Variants in ELF2 observed in about 807,000 individuals in gnomAD.
ELF2 encodes the protein ETS-related transcription factor Elf-2.
Under a neutral mutation model 54.8 loss-of-function variants are expected in ELF2, and 11 were observed. The observed-to-expected ratio is 0.20, with a 90% CI of 0.13 to 0.33. The LOEUF is 0.33. ELF2 is among the 10% of genes least tolerant of loss of function. The probability of loss-of-function intolerance (pLI) is 1.00; values close to 1 mark genes in which losing one functional copy is unlikely to be tolerated. For synonymous variants in ELF2, 203 were observed against 245.1 expected (o/e 0.83, Z 1.61); for missense variants, 513 against 703.0 (o/e 0.73, Z 3.06).
At chr4:139,096,996 T>A (rs1733352841) in intron 4 of ELF2, among the ~76,000 whole-genome samples, 1 of 152,154 alleles carries the variant, frequency 6.6e-6, no homozygotes, top group South Asian at 2.1e-4. Flanking sequence ...ATTTATTGAC[T>A]TTCATCTTTA....
intron 4 of ELF2, among the ~76,000 whole-genome samples, chr4:139,119,803 G>A (rs1736129406): frequency 6.6e-6 from 1 of 151,894 alleles, no homozygotes; most frequent in South Asian, 2.1e-4. Flanking sequence ...TTTTGAGATG[G>A]AGTTTCTGTT....
At chr4:139,175,000 T>C (rs1336091286) in intron 1 of ELF2, among the ~76,000 whole-genome samples, 1 of 152,214 alleles carries the variant, frequency 6.6e-6, no homozygotes, top group Non-Finnish European at 1.5e-5. Flanking sequence ...CCCCAACAGA[T>C]ACCGATGGAC....
chr4:139,081,090 C>T (rs1731048308), intron 4 of ELF2, among the ~76,000 whole-genome samples: 1 of 152,122 alleles, frequency 6.6e-6, no homozygotes, highest in African/African-American at 2.4e-5. Context: ...TGTTAAGTCA[C>T]TAGCTAGTTT....
intron 1 of ELF2, among the ~76,000 whole-genome samples, chr4:139,158,019 G>C (rs1740720896): frequency 6.6e-6 from 1 of 152,222 alleles, no homozygotes; most frequent in Non-Finnish European, 1.5e-5. Context: ...CTTTGTGTGA[G>C]CAACAAGGCT....
chr4:139,133,231 T>C (rs1009622476), intron 3 of ELF2, among the ~76,000 whole-genome samples: 1 of 152,210 alleles, frequency 6.6e-6, no homozygotes, highest in East Asian at 1.9e-4. Flanking sequence ...TACATTCTTA[T>C]AAGCAATAAG....
At chr4:139,094,834 T>C (rs1193418409) in intron 4 of ELF2, among the ~76,000 whole-genome samples, 1 of 152,170 alleles carries the variant, frequency 6.6e-6, no homozygotes, top group African/African-American at 2.4e-5. Context: ...TCTTTATATA[T>C]CTTAGAGTTA....
Position 139,094,466 on chromosome 4 carries a change from CTGAG to C in ELF2, c.239-20903_239-20900del, listed in dbSNP as rs1733027009. On this transcript the variant is annotated intron_variant, in intron 4 of 9. Transcript: ENST00000686138. ...AGTAGGAACTGAAGGTTATTTATTACTGAGTAAGTAGAAAGGTAACGTGGTGGAT... is the reference window on the plus strand; with the variant it reads ...AGTAGGAACTGAAGGTTATTTATTACTAAGTAGAAAGGTAACGTGGTGGAT... 5.3e-5 allele frequency among the ~76,000 whole-genome samples: 8 copies of C among 152,262 alleles called. No homozygotes were observed. The South Asian group carries it at 1.7e-3, about 32-fold the overall frequency.
chr4:139,177,712 G>GTT (rs1743119531), upstream of ELF2, among the ~76,000 whole-genome samples: 1 of 151,496 alleles, frequency 6.6e-6, no homozygotes, highest in Non-Finnish European at 1.5e-5. Context: ...TCCCCCGCCG[G>GTT]CCGGGACCGC....
chr4:139,090,641 C>A (rs931716125), intron 4 of ELF2, among the ~76,000 whole-genome samples: 1 of 152,128 alleles, frequency 6.6e-6, no homozygotes, highest in Non-Finnish European at 1.5e-5. Flanking sequence ...GTCATCCATG[C>A]GGGAGTATAG....
chr4:139,177,662 C>T (rs1224133804), upstream of ELF2, among the ~76,000 whole-genome samples: 3 of 152,028 alleles, frequency 2.0e-5, no homozygotes, highest in East Asian at 5.8e-4. Flanking sequence ...GCGTGTGAGG[C>T]CGATGGGGCC....
At chr4:139,088,256 C>T (rs1732204193) in intron 4 of ELF2, among the ~76,000 whole-genome samples, 1 of 147,720 alleles carries the variant, frequency 6.8e-6, no homozygotes, top group Admixed American at 6.8e-5. Flanking sequence ...CACTGCACTC[C>T]AGCCTGGGAG....
intron 3 of ELF2, among the ~76,000 whole-genome samples, chr4:139,134,152 A>G (rs1405924118): frequency 6.6e-6 from 1 of 152,130 alleles, no homozygotes; most frequent in Non-Finnish European, 1.5e-5. Flanking sequence ...GCTAGTTTAG[A>G]AAGTTTGTAT....
intron 1 of ELF2, among the ~76,000 whole-genome samples, chr4:139,173,984 G>C (rs1439902966): frequency 8.6e-5 from 13 of 150,682 alleles, no homozygotes; most frequent in Non-Finnish European, 7.4e-5. Flanking sequence ...AGCACTTTGG[G>C]AGGCCAAGGC....
At chr4:139,106,156 A>C (rs1734380537) in intron 4 of ELF2, among the ~76,000 whole-genome samples, 1 of 152,242 alleles carries the variant, frequency 6.6e-6, no homozygotes, top group South Asian at 2.1e-4. Flanking sequence ...ATTTAAAGAA[A>C]TATATTAAAT....
intron 6 of ELF2, among the ~76,000 whole-genome samples, chr4:139,069,042 G>T (rs576768327): frequency 4.6e-5 from 7 of 151,930 alleles, no homozygotes; most frequent in Non-Finnish European, 1.0e-4. Context: ...GCTAATTTTT[G>T]TATTTTTTGT....
intron 7 of ELF2, among the ~76,000 whole-genome samples, chr4:139,065,636 G>T (rs914360608): frequency 1.3e-5 from 2 of 152,126 alleles, no homozygotes; most frequent in Middle Eastern, 3.2e-3. Context: ...AGGTTTGACT[G>T]TAACAGCTTC....
intron 6 of ELF2, among the ~76,000 whole-genome samples, chr4:139,071,327 CTGTT>C (rs1387619069): frequency 2.6e-5 from 4 of 151,396 alleles, no homozygotes; most frequent in African/African-American, 9.7e-5. Context: ...ATATATATCA[CTGTT>C]TATTTAGGTT....
At chr4:139,114,999 C>T (rs1360970504) in intron 4 of ELF2, 2 of 1,613,670 alleles carry the variant, frequency 1.2e-6, no homozygotes, top group Non-Finnish European at 1.7e-6. Flanking sequence ...AAATGAAGGC[C>T]TCTGTGGGTT....
intron 1 of ELF2, among the ~76,000 whole-genome samples, chr4:139,162,919 A>G (rs1741318746): frequency 6.6e-6 from 1 of 152,088 alleles, no homozygotes; most frequent in African/African-American, 2.4e-5. Flanking sequence ...CAACACGGCA[A>G]GACTCTGTCT....
Sources: allele counts gnomAD v4.1 joint callset (sites outside exome capture counted in the v4.1 genomes callset), GRCh38; gene constraint gnomAD v4.1.1; transcripts MANE v1.5; gene names NCBI Gene and HGNC (gene_info 2026-07-23, HGNC 2026-07-21).